PARD3B: variants seen among roughly 807,000 people sequenced by gnomAD.
The protein encoded by PARD3B is par-3 family cell polarity regulator beta.
In PARD3B, 103 loss-of-function variants were observed where a neutral mutation model predicts 130.2. The ratio of observed to expected loss-of-function variants is 0.79; its 90% CI spans 0.67 to 0.93. The LOEUF (loss-of-function observed/expected upper bound fraction) is 0.93, where lower values mean the gene tolerates loss of function less well. Ranked by LOEUF, PARD3B falls within the 40% of genes least tolerant of loss-of-function variation. PARD3B has a pLI of 0.00. For missense variants in PARD3B, 1,609 were observed against 1,499.2 expected, an observed-to-expected ratio of 1.07 and a Z score of -1.21; for synonymous variants, 583 against 553.2, an observed-to-expected ratio of 1.05 and a Z score of -0.76.
chr2:204,726,703 C>T (rs2039244775), intron 2 of PARD3B, among the ~76,000 whole-genome samples: 1 of 152,174 alleles, frequency 6.6e-6, no homozygotes, highest in African/African-American at 2.4e-5. Flanking sequence ...ATTGCTTCTC[C>T]TACCCAAGGC....
chr2:205,402,778 C>T (rs899073601), intron 19 of PARD3B, among the ~76,000 whole-genome samples: 1 of 152,168 alleles, frequency 6.6e-6, no homozygotes, highest in Admixed American at 6.5e-5. Context: ...TACTATTAGC[C>T]TCCACTTAGG....
At chr2:205,057,686 C>CAT (rs1491459984) in intron 4 of PARD3B, among the ~76,000 whole-genome samples, 2 of 102,842 alleles carry the variant, frequency 1.9e-5, no homozygotes, top group Admixed American at 1.0e-4. Context: ...TATGTGTATA[C>CAT]GTACATATAC....
At chr2:205,425,198 T>C (rs2047102951) in intron 19 of PARD3B, among the ~76,000 whole-genome samples, 1 of 152,154 alleles carries the variant, frequency 6.6e-6, no homozygotes, top group Admixed American at 6.5e-5. Flanking sequence ...AAGCACTCTG[T>C]AGGTTGTTCC....
chr2:204,588,580 A>G (rs953259192), intron 1 of PARD3B, among the ~76,000 whole-genome samples: 1 of 152,140 alleles, frequency 6.6e-6, no homozygotes, highest in Non-Finnish European at 1.5e-5. Flanking sequence ...TTCTTTGTGT[A>G]ATTGTTCCTA....
intron 18 of PARD3B, among the ~76,000 whole-genome samples, chr2:205,316,935 A>T (rs953226158): frequency 3.9e-5 from 6 of 152,168 alleles, no homozygotes; most frequent in African/African-American, 7.2e-5. Context: ...TCATCCAACA[A>T]ATATTGATTA....
intron 2 of PARD3B, among the ~76,000 whole-genome samples, chr2:204,786,073 C>T (rs181110331): frequency 6.8e-6 from 1 of 146,718 alleles, no homozygotes; most frequent in Non-Finnish European, 1.5e-5. Context: ...AAGATTGCAC[C>T]AGTGCACACC....
intron 19 of PARD3B, among the ~76,000 whole-genome samples, chr2:205,419,896 A>G (rs1382857881): frequency 1.3e-5 from 2 of 152,234 alleles, no homozygotes; most frequent in Non-Finnish European, 1.5e-5. Flanking sequence ...GATGGTCTTC[A>G]AATGATGTCC....
At chr2:205,178,231 A>G (rs1170693261) in intron 13 of PARD3B, among the ~76,000 whole-genome samples, 31 of 136,488 alleles carry the variant, frequency 2.3e-4, no homozygotes, top group East Asian at 6.4e-4. Context: ...TGGGGGGGGA[A>G]AAAAAAAAGA....
At chr2:204,875,184 C>A (rs932896487) in intron 2 of PARD3B, among the ~76,000 whole-genome samples, 1 of 152,118 alleles carries the variant, frequency 6.6e-6, no homozygotes, top group Non-Finnish European at 1.5e-5. Context: ...GTGGTACAAC[C>A]ATCACCCTAA....
chr2:205,138,082 G>C (rs1339361024), intron 10 of PARD3B, among the ~76,000 whole-genome samples: 1 of 152,118 alleles, frequency 6.6e-6, no homozygotes, highest in East Asian at 1.9e-4. Context: ...TATTGGTCAG[G>C]GATGGAAGAT....
At chr2:204,910,927 A>G (rs1371743954) in intron 2 of PARD3B, among the ~76,000 whole-genome samples, 1 of 152,116 alleles carries the variant, frequency 6.6e-6, no homozygotes, top group Non-Finnish European at 1.5e-5. Context: ...CAGGCATGAG[A>G]CACCGCGCCC....
Position 205,230,063 on chromosome 2 carries a change from G to A in PARD3B, c.2141-15715G>A, listed in dbSNP as rs1378408063. ...GGCAGTGGGCTCTCCTCTGGCCCAG[G>A]GCAGATCCAGAGATGCTGTCTAAGA... On this transcript the variant is annotated intron_variant, in intron 15 of 22. Coordinates refer to ENST00000406610, the MANE Select transcript of PARD3B (RefSeq NM_001302769.2). This position sits in a 1 kb window ranked among gnomAD's most constrained non-coding sequence, Gnocchi z 4.1. 1.3e-5 allele frequency among the ~76,000 whole-genome samples: 2 copies of A among 151,962 alleles called. No individual in the cohort carries two copies. Among genetic ancestry groups the A allele is most frequent in the African/African-American group, 2.4e-5 (1 of 41,358 alleles).
At chr2:204,998,337 T>TACAC (rs58418098) in intron 3 of PARD3B, among the ~76,000 whole-genome samples, 16 of 42,334 alleles carry the variant, frequency 3.8e-4, no homozygotes, top group Admixed American at 2.7e-3. Context: ...TATATATATA[T>TACAC]ATATATATAT....
chr2:204,552,990 TC>T lies in PARD3B; in HGVS notation c.120+6872del, dbSNP rs773791467. On this transcript the variant is annotated intron_variant, in intron 1 of 22. Coordinates refer to ENST00000406610, the MANE Select transcript of PARD3B (RefSeq NM_001302769.2). Reference sequence around the variant, plus strand: ...AGACAACCCACAGAGTGGGAGAAAATCTTTGCAATCTATACATCTGACAAAG... The same window carrying T: ...AGACAACCCACAGAGTGGGAGAAAATTTTGCAATCTATACATCTGACAAAG... Among the ~76,000 whole-genome samples the T allele has an allele frequency of 1.2e-3, 185 of 152,130 alleles. 2 individuals carry two copies. Among genetic ancestry groups the T allele is most frequent in the Middle Eastern group, 3.4e-3 (1 of 294 alleles).
chr2:204,911,347 A>G (rs1413441776), intron 2 of PARD3B, among the ~76,000 whole-genome samples: 1 of 152,230 alleles, frequency 6.6e-6, no homozygotes, highest in Admixed American at 6.5e-5. Flanking sequence ...AGCCATTATC[A>G]TCATCAACGT....
Position 205,158,700 on chromosome 2 carries a change from T to C in PARD3B, c.1435-22T>C. On this transcript the variant is annotated intron_variant, in intron 10 of 22. Coordinates refer to ENST00000406610, the MANE Select transcript of PARD3B (RefSeq NM_001302769.2). This position sits in a 1 kb window ranked among gnomAD's most constrained non-coding sequence, Gnocchi z 5.4. Reference sequence around the variant, plus strand: ...AATCTGCTTTCTTCTCTTCACTCTTTTCATGTGTATTCCCCTAACAGAAAG... The same window carrying C: ...AATCTGCTTTCTTCTCTTCACTCTTCTCATGTGTATTCCCCTAACAGAAAG... 6.3e-7 allele frequency: 1 copy of C among 1,588,698 alleles called. No homozygotes were observed. Among genetic ancestry groups the C allele is most frequent in the Non-Finnish European group, 8.6e-7 (1 of 1,164,562 alleles).
intron 1 of PARD3B, among the ~76,000 whole-genome samples, chr2:204,605,324 C>T (rs932208356): frequency 1.3e-5 from 2 of 152,152 alleles, no homozygotes; most frequent in African/African-American, 2.4e-5. Flanking sequence ...TTGCTATGAC[C>T]ATGTCATAAA....
intron 22 of PARD3B, among the ~76,000 whole-genome samples, chr2:205,574,383 A>C (rs963802142): frequency 6.6e-6 from 1 of 152,212 alleles, no homozygotes; most frequent in African/African-American, 2.4e-5. Flanking sequence ...ATTTCCAGGT[A>C]GATGGCCATG....
intron 18 of PARD3B, among the ~76,000 whole-genome samples, chr2:205,399,607 G>A (rs2046172609): frequency 6.6e-6 from 1 of 152,070 alleles, no homozygotes; most frequent in Non-Finnish European, 1.5e-5. Flanking sequence ...CACCTGCCTT[G>A]GCCTCCCAAA....
Sources: gnomAD v4.1 joint callset for allele counts (sites outside exome capture counted in the v4.1 genomes callset) on GRCh38, gnomAD v4.1.1 for gene constraint, Gnocchi (gnomAD v3.1) non-coding constraint, MANE v1.5 for transcripts, NCBI Gene and HGNC (gene_info 2026-07-23, HGNC 2026-07-21) for gene names.